The following PRICKLE1 variants were observed in gnomAD, a reference collection of about 807,000 sequenced individuals.
The protein encoded by PRICKLE1 is prickle-like protein 1.
PRICKLE1 carries 14 observed loss-of-function variants against 70.2 expected under a neutral mutation model. The observed-to-expected ratio is 0.20, with a 90% CI of 0.13 to 0.31. PRICKLE1 has a LOEUF of 0.31. PRICKLE1 is among the 10% of genes least tolerant of loss of function. The pLI is 1.00. For synonymous variants in PRICKLE1, 357 were observed against 379.9 expected, an observed-to-expected ratio of 0.94 and a Z score of 0.70; for missense variants, 821 against 1,026.2, an observed-to-expected ratio of 0.80 and a Z score of 2.73.
chr12:42,493,877 A>G (rs1257401533), intron 1 of PRICKLE1, among the ~76,000 whole-genome samples: 1 of 151,960 alleles, frequency 6.6e-6, no homozygotes, highest in African/African-American at 2.4e-5. Flanking sequence ...AAAAGAAAAG[A>G]AAAGAAAAAA....
chr12:42,497,657 A>G (rs1257959175), intron 1 of PRICKLE1, among the ~76,000 whole-genome samples: 1 of 152,224 alleles, frequency 6.6e-6, no homozygotes, highest in Non-Finnish European at 1.5e-5. Context: ...ATCACAGATC[A>G]CTATCACAGA....
intron 1 of PRICKLE1, among the ~76,000 whole-genome samples, chr12:42,578,664 A>G (rs982985834): frequency 6.6e-6 from 1 of 152,174 alleles, no homozygotes; most frequent in African/African-American, 2.4e-5. Context: ...TGCTCCAAAT[A>G]AAATATCTCT....
At chr12:42,514,886 G>A (rs926568262) in intron 1 of PRICKLE1, among the ~76,000 whole-genome samples, 2 of 108,428 alleles carry the variant, frequency 1.8e-5, no homozygotes, top group African/African-American at 7.8e-5. Context: ...TTTAAGGCTC[G>A]CTCTATCTAT....
At chr12:42,526,767 A>C (rs78278876) in intron 1 of PRICKLE1, among the ~76,000 whole-genome samples, 1 of 140,256 alleles carries the variant, frequency 7.1e-6, no homozygotes, top group East Asian at 2.2e-4. Context: ...AAAAAAAAAA[A>C]AATGCTTAGA....
intron 1 of PRICKLE1, among the ~76,000 whole-genome samples, chr12:42,490,876 T>G (rs1939087447): frequency 6.6e-6 from 1 of 152,102 alleles, no homozygotes; most frequent in Non-Finnish European, 1.5e-5. Flanking sequence ...ATTTTTTTAT[T>G]TTTATTTTTT....
At chr12:42,517,660 C>T (rs943956660) in intron 1 of PRICKLE1, among the ~76,000 whole-genome samples, 45 of 152,042 alleles carry the variant, frequency 3.0e-4, no homozygotes, top group African/African-American at 1.1e-3. Flanking sequence ...TTTCCACAGG[C>T]TGGTCTTTAA....
rs535352221 is a variant in PRICKLE1 at position 42,571,551 on chromosome 12, C to T, written c.-49+17914G>A. On this transcript the variant is annotated intron_variant, in intron 1 of 7. Coordinates refer to ENST00000345127, the MANE Select transcript of PRICKLE1 (RefSeq NM_153026.3). Reference sequence around the variant, plus strand: ...TGAGGAAGCAGATGAACTCCCTGGTCCCAGGCCTTGGGCTTGGAAAGCAGC... The same window carrying T: ...TGAGGAAGCAGATGAACTCCCTGGTTCCAGGCCTTGGGCTTGGAAAGCAGC... 3.3e-5 allele frequency among the ~76,000 whole-genome samples: 5 copies of T among 152,302 alleles called. No individual in the cohort carries two copies. The East Asian group carries it at 7.7e-4, about 23-fold the overall frequency.
chr12:42,553,456 A>AC (rs1940360203), intron 1 of PRICKLE1, among the ~76,000 whole-genome samples: 2 of 102,464 alleles, frequency 2.0e-5, no homozygotes, highest in Non-Finnish European at 3.6e-5. Context: ...AAAAAAAAAA[A>AC]CTGTTTTTCT....
At chr12:42,553,570 A>G (rs1795486456) in intron 1 of PRICKLE1, among the ~76,000 whole-genome samples, 1 of 151,770 alleles carries the variant, frequency 6.6e-6, no homozygotes, top group South Asian at 2.1e-4. Flanking sequence ...CTATTCCATC[A>G]TTGCCCAGGG....
rs951152775 is a variant in PRICKLE1, at chr12:42,466,070, T to C, written c.775+124A>G. The C allele has an allele frequency of 2.9e-6, 3 of 1,026,042 alleles. No homozygotes were observed. In the African/African-American group the frequency reaches 4.8e-5, roughly 16 times the overall value. 63.6% of individuals were successfully genotyped at this position (1,026,042 alleles called of 1,614,324 possible). ...CATCAGCTGGAACATTTAAGATCTGTACATTTCATTGTATGTAAATTATAT... is the reference window on the plus strand; with the variant it reads ...CATCAGCTGGAACATTTAAGATCTGCACATTTCATTGTATGTAAATTATAT... On this transcript the variant is annotated intron_variant, in intron 6 of 7. Coordinates refer to ENST00000345127, the MANE Select transcript of PRICKLE1 (RefSeq NM_153026.3).
chr12:42,572,456 TAAATAAATAAATA>T (rs1566132128), intron 1 of PRICKLE1, among the ~76,000 whole-genome samples: 2 of 151,006 alleles, frequency 1.3e-5, no homozygotes, highest in African/African-American at 4.9e-5. Flanking sequence ...AATAAATAAA[TAAATAAATAAATA>T]AATTAAAAAT....
At chr12:42,462,638 G>A (rs1937895607) in intron 7 of PRICKLE1, among the ~76,000 whole-genome samples, 1 of 152,148 alleles carries the variant, frequency 6.6e-6, no homozygotes, top group South Asian at 2.1e-4. Context: ...CAAGTCCACA[G>A]AAGCCGGGGG....
At chr12:42,549,583 T>C (rs537201227) in intron 1 of PRICKLE1, among the ~76,000 whole-genome samples, 1 of 151,910 alleles carries the variant, frequency 6.6e-6, no homozygotes, top group Non-Finnish European at 1.5e-5. Context: ...TGCACAAGCC[T>C]CCTCCCAACA....
intron 1 of PRICKLE1, among the ~76,000 whole-genome samples, chr12:42,565,614 A>C (rs1940608887): frequency 6.6e-6 from 1 of 152,240 alleles, no homozygotes; most frequent in Non-Finnish European, 1.5e-5. Flanking sequence ...CAACCAAAGC[A>C]GTCATACAGA....
At chr12:42,471,526 G>A (rs1289998756) in intron 2 of PRICKLE1, among the ~76,000 whole-genome samples, 2 of 152,142 alleles carry the variant, frequency 1.3e-5, no homozygotes, top group Non-Finnish European at 2.9e-5. Context: ...ATCAGCTCTA[G>A]AAGCTTTTTA....
chr12:42,575,982 T>C (rs1940800068), intron 1 of PRICKLE1, among the ~76,000 whole-genome samples: 1 of 152,180 alleles, frequency 6.6e-6, no homozygotes, highest in African/African-American at 2.4e-5. Flanking sequence ...CAACAACATA[T>C]TGCCAGTAAG....
rs1257987633 is a variant in PRICKLE1 at position 42,495,419 on chromosome 12, G to GA, written c.-48-22856_-48-22855insT. ...AAAAAAAAGAGAGAGAGAGAGAGAG[G>GA]TGTTGCGTCACCTCACTATGTTGCC... On this transcript the variant is annotated intron_variant, in intron 1 of 7. Coordinates refer to ENST00000345127, the MANE Select transcript of PRICKLE1 (RefSeq NM_153026.3). Among the ~76,000 whole-genome samples the GA allele has an allele frequency of 3.7e-3, 533 of 145,932 alleles. 8 individuals are homozygous for GA. Among genetic ancestry groups the GA allele is most frequent in the African/African-American group, 0.012 (452 of 37,752 alleles).
At chr12:42,524,747 C>T (rs1241333273) in intron 1 of PRICKLE1, 3 of 152,148 alleles carry the variant, frequency 2.0e-5, no homozygotes, top group African/African-American at 7.2e-5. Flanking sequence ...TTAAAAATCC[C>T]TGTATATCAG....
Position 42,563,913 on chromosome 12 carries a change from A to G in PRICKLE1, c.-49+25552T>C, listed in dbSNP as rs913886018. ...GGGCACAAACCAGAATGTAATTTCT[A>G]AAGTGAAATATCATCAAAAAAACTT... On this transcript the variant is annotated intron_variant, in intron 1 of 7. Transcript: ENST00000345127. 2.0e-5 allele frequency among the ~76,000 whole-genome samples: 3 copies of G among 152,012 alleles called. No individual in the cohort carries two copies. In the South Asian group the frequency reaches 6.2e-4, roughly 32 times the overall value.
Sources: allele counts gnomAD v4.1 joint callset (sites outside exome capture counted in the v4.1 genomes callset), GRCh38; gene constraint gnomAD v4.1.1; transcripts MANE v1.5; gene names NCBI Gene and HGNC (gene_info 2026-07-23, HGNC 2026-07-21).